Variants in SORCS2 observed in about 807,000 individuals in gnomAD.
SORCS2 encodes the protein VPS10 domain-containing receptor SorCS2.
Under a neutral mutation model 141.6 loss-of-function variants are expected in SORCS2, and 100 were observed. That is an observed-to-expected ratio of 0.71 (90% CI 0.60 to 0.83). The LOEUF (loss-of-function observed/expected upper bound fraction) is 0.83. SORCS2 is among the 40% of genes least tolerant of loss of function. The probability of loss-of-function intolerance (pLI) is 0.00; values close to 1 mark genes in which losing one functional copy is unlikely to be tolerated. For synonymous variants in SORCS2, 789 were observed against 676.9 expected, an observed-to-expected ratio of 1.17 and a Z score of -2.57; for missense variants, 1,646 against 1,560.2, an observed-to-expected ratio of 1.05 and a Z score of -0.93.
At position 7,500,337 on chromosome 4, in the gene SORCS2, G is replaced by A. The variant is rs139725213; in HGVS notation, c.549-31193G>A. ...CCTTACTCCAGGCATGCTCTGTGCC[G>A]GCTCTTGGAGGTCCCTGGCAGCGCC... On this transcript the variant is annotated intron_variant, in intron 2 of 26. Transcript: ENST00000507866. 1.5e-3 allele frequency among the ~76,000 whole-genome samples: 222 copies of A among 152,230 alleles called. 1 individual carries two copies. The highest frequency in any genetic ancestry group is 5.0e-3 in the African/African-American group (208 of 41,526).
chr4:7,388,059 T>C (rs1011757845), intron 1 of SORCS2, among the ~76,000 whole-genome samples: 2 of 141,888 alleles, frequency 1.4e-5, no homozygotes, highest in Non-Finnish European at 3.1e-5. Context: ...TGCACACACA[T>C]ACAGTTACAC....
chr4:7,623,523 C>A (rs909092480), intron 3 of SORCS2, among the ~76,000 whole-genome samples: 1 of 152,112 alleles, frequency 6.6e-6, no homozygotes, highest in African/African-American at 2.4e-5. Flanking sequence ...TCCCCCAATG[C>A]CCAAGGTAGG....
At chr4:7,412,436 G>A (rs578242850) in intron 2 of SORCS2, among the ~76,000 whole-genome samples, 90 of 152,178 alleles carry the variant, frequency 5.9e-4, no homozygotes, top group Non-Finnish European at 1.2e-3. Flanking sequence ...CCCTGGCAGA[G>A]TGACAGCCCT....
intron 2 of SORCS2, among the ~76,000 whole-genome samples, chr4:7,496,447 A>ATCC (rs56049335): frequency 3.3e-5 from 2 of 59,932 alleles, no homozygotes; most frequent in Non-Finnish European, 6.9e-5. Context: ...CCCACTCCCC[A>ATCC]CCCGTTCCCC....
chr4:7,658,103 G>T (rs546711147), intron 5 of SORCS2, among the ~76,000 whole-genome samples: 23 of 152,002 alleles, frequency 1.5e-4, no homozygotes, highest in Middle Eastern at 3.4e-3. Flanking sequence ...GAGCGAGTGG[G>T]TAAGTGAGTG....
chr4:7,459,041 T>C (rs941459428), intron 2 of SORCS2, among the ~76,000 whole-genome samples: 7 of 151,950 alleles, frequency 4.6e-5, no homozygotes, highest in African/African-American at 1.7e-4. Context: ...CTAAGGCGCG[T>C]GGCAAAGGCC....
At chr4:7,391,434 C>A (rs562466297) in intron 1 of SORCS2, among the ~76,000 whole-genome samples, 1 of 152,330 alleles carries the variant, frequency 6.6e-6, no homozygotes, top group South Asian at 2.1e-4. Flanking sequence ...CGGCTCAGCA[C>A]AGAGCAGAGG....
intron 1 of SORCS2, among the ~76,000 whole-genome samples, chr4:7,389,744 G>C (rs12641352): frequency 1.3e-5 from 2 of 151,958 alleles, no homozygotes; most frequent in South Asian, 4.1e-4. Flanking sequence ...AGAGCATAGC[G>C]ATCCAAGTAT....
chr4:7,721,578 A>G (rs1366878570), intron 18 of SORCS2, among the ~76,000 whole-genome samples: 1 of 152,240 alleles, frequency 6.6e-6, no homozygotes, highest in Admixed American at 6.5e-5. Context: ...CATTCATATA[A>G]CACTCCTGAA....
At chr4:7,406,237 G>A (rs188878434) in intron 2 of SORCS2, among the ~76,000 whole-genome samples, 87 of 148,222 alleles carry the variant, frequency 5.9e-4, no homozygotes, top group African/African-American at 1.9e-3. Flanking sequence ...TCAGGGAAAC[G>A]CTGGCTTCAT....
At chr4:7,728,557 CG>C in intron 22 of SORCS2, 95 bp downstream of exon 22, 1 of 833,300 alleles carries the variant, frequency 1.2e-6, no homozygotes, top group Non-Finnish European at 1.8e-6. Context: ...AAAGGAGAGG[CG>C]GGTGGCACTG....
intron 3 of SORCS2, among the ~76,000 whole-genome samples, chr4:7,568,827 A>C (rs1361623308): frequency 6.6e-6 from 1 of 152,230 alleles, no homozygotes; most frequent in African/African-American, 2.4e-5. Context: ...TTCCGTGGAA[A>C]GTGACTGATC....
intron 2 of SORCS2, among the ~76,000 whole-genome samples, chr4:7,471,209 C>T (rs1415514329): frequency 6.6e-6 from 1 of 152,214 alleles, no homozygotes; most frequent in African/African-American, 2.4e-5. Context: ...CATCCTTCCC[C>T]GCCGGCCCCG....
At chr4:7,591,847 C>T (rs1344167345) in intron 3 of SORCS2, among the ~76,000 whole-genome samples, 1 of 152,160 alleles carries the variant, frequency 6.6e-6, no homozygotes, top group East Asian at 1.9e-4. Flanking sequence ...AGTCCCGCTG[C>T]CTGCGCTCTG....
At position 7,452,928 on chromosome 4, in the gene SORCS2, A is replaced by T. The variant is rs1183824650; in HGVS notation, c.548+56573A>T. Among the ~76,000 whole-genome samples the T allele has an allele frequency of 9.1e-3, 584 of 63,946 alleles. 5 individuals carry two copies. Among genetic ancestry groups the T allele is most frequent in the African/African-American group, 0.036 (553 of 15,488 alleles). The allele number at this position is 63,946 out of a possible 152,430, so 42.0% of individuals were successfully genotyped here. ...GGTCAGGTGCTGTGTTGAGGTCAGG[A>T]GCTGTGTGTTGGGGTCAGGTGCTGT... On this transcript the variant is annotated intron_variant, in intron 2 of 26. Coordinates refer to ENST00000507866, the MANE Select transcript of SORCS2 (RefSeq NM_020777.3).
Position 7,488,997 on chromosome 4 carries a change from C to T in SORCS2, c.549-42533C>T, listed in dbSNP as rs142770808. Among the ~76,000 whole-genome samples, 8 of 152,312 alleles carry T rather than the reference C, an allele frequency of 5.3e-5. No individual in the cohort carries two copies. In the East Asian group the frequency reaches 5.8e-4, roughly 11 times the overall value. ...CGTGCTTTTTCATTCATTCATTCAA[C>T]GTTTACTAATCATTTAAGGAGCACC... On this transcript the variant is annotated intron_variant, in intron 2 of 26. Coordinates refer to ENST00000507866, the MANE Select transcript of SORCS2 (RefSeq NM_020777.3).
chr4:7,529,782 G>A (rs910037873), intron 2 of SORCS2, among the ~76,000 whole-genome samples: 1 of 152,182 alleles, frequency 6.6e-6, no homozygotes, highest in Non-Finnish European at 1.5e-5. Flanking sequence ...CCTTCCCAAA[G>A]AAAATCAATT....
chr4:7,211,178 AT>A (rs1728037667), intron 1 of SORCS2, among the ~76,000 whole-genome samples: 1 of 149,082 alleles, frequency 6.7e-6, no homozygotes, highest in Admixed American at 6.7e-5. Flanking sequence ...GCCTGGAGAA[AT>A]TTGGAAAAGC....
chr4:7,724,124 G>GGTGGTGGTGA (rs1726806175), intron 19 of SORCS2, among the ~76,000 whole-genome samples: 4 of 139,614 alleles, frequency 2.9e-5, no homozygotes, highest in Non-Finnish European at 6.1e-5. Flanking sequence ...GATGGTGGTG[G>GGTGGTGGTGA]TGGTGGTGGT....
Sources: allele counts gnomAD v4.1 joint callset (sites outside exome capture counted in the v4.1 genomes callset), GRCh38; gene constraint gnomAD v4.1.1; transcripts MANE v1.5; gene names NCBI Gene and HGNC (gene_info 2026-07-23, HGNC 2026-07-21).